SLC4A9: variants seen among roughly 807,000 people sequenced by gnomAD.
SLC4A9 encodes the protein anion exchange protein 4.
In SLC4A9, 102 loss-of-function variants were observed where a neutral mutation model predicts 103.2. The ratio of observed to expected loss-of-function variants is 0.99; its 90% CI spans 0.84 to 1.17. The LOEUF (loss-of-function observed/expected upper bound fraction) is 1.17. Ranked by LOEUF, SLC4A9 falls within the 50% of genes most tolerant of loss-of-function variation. The probability of loss-of-function intolerance (pLI) is 0.00; values close to 1 mark genes in which losing one functional copy is unlikely to be tolerated. For synonymous variants in SLC4A9, 453 were observed against 483.6 expected, an observed-to-expected ratio of 0.94 and a Z score of 0.83; for missense variants, 1,091 against 1,193.7, an observed-to-expected ratio of 0.91 and a Z score of 1.27.
At chr5:140,368,839 G>A (rs1435187805) in intron 17 of SLC4A9, among the ~76,000 whole-genome samples, 180 bp downstream of exon 17, 1 of 152,210 alleles carries the variant, frequency 6.6e-6, no homozygotes, top group Admixed American at 6.5e-5. Context: ...AAATGAGGCA[G>A]ATGAAGTTTA....
chr5:140,360,416 G>T lies in SLC4A9; in HGVS notation c.180G>T (p.Leu60=). ...VPKDPLLFIQ[L]NELLGWPQAL... ...AAGACCCTCTGCTCTTCATTCAGCTGAATGAGCTGCTGGGCTGGCCCCAGG... is the reference window on the plus strand; with the variant it reads ...AAGACCCTCTGCTCTTCATTCAGCTTAATGAGCTGCTGGGCTGGCCCCAGG... The change falls in exon 1 of 22, where the codon CTG becomes CTT. Residue 60 remains leucine, a synonymous_variant. Coordinates refer to ENST00000506757, the MANE Select transcript of SLC4A9 (RefSeq NM_031467.3). 1 of 1,597,630 alleles carries T rather than the reference G, an allele frequency of 6.3e-7. No individual in the cohort carries two copies. Among genetic ancestry groups the T allele is most frequent in the East Asian group, 2.3e-5 (1 of 44,056 alleles).
At chr5:140,373,912 G>A (rs879504875) in intron 21 of SLC4A9, among the ~76,000 whole-genome samples, 3 of 152,172 alleles carry the variant, frequency 2.0e-5, no homozygotes, top group Non-Finnish European at 4.4e-5. Flanking sequence ...TCTCTTTTGG[G>A]GCTGGGTACA....
chr5:140,372,928 C>T, intron 21 of SLC4A9, 85 bp downstream of exon 21: 1 of 734,140 alleles, frequency 1.4e-6, no homozygotes, highest in East Asian at 3.0e-5. Flanking sequence ...GTTGGCCAGC[C>T]CTGTTTTCTC....
At chr5:140,364,290 G>A in intron 10 of SLC4A9, 73 bp from the exon 11 acceptor site, 1 of 1,598,202 alleles carries the variant, frequency 6.3e-7, no homozygotes, top group Non-Finnish European at 8.5e-7. Flanking sequence ...TTGGGTTGAG[G>A]GACACCTGAC....
Position 140,365,561 on chromosome 5 carries a change from G to A in SLC4A9, c.1693G>A (p.Asp565Asn), listed in dbSNP as rs1317121424. The change falls in exon 12 of 22, where the codon GAC becomes AAC. Residue 565 changes from aspartate (D) to asparagine (N), a missense_variant. Transcript: ENST00000506757. ...QWIRTRPKDR[D>N]DIVSMDLGLI... ...GATAAGGACAAGGCCAAAAGACAGA[G>A]ACGACATTGTAAGCATGGTGAGGGA... 1 of 1,612,300 alleles carries A rather than the reference G, an allele frequency of 6.2e-7. No individual in the cohort carries two copies. The highest frequency in any genetic ancestry group is 1.3e-5 in the African/African-American group (1 of 75,022).
chr5:140,368,877 A>G (rs1463785455), intron 17 of SLC4A9, among the ~76,000 whole-genome samples: 1 of 152,250 alleles, frequency 6.6e-6, no homozygotes, highest in Non-Finnish European at 1.5e-5. Flanking sequence ...GCAAGAGCCC[A>G]TCAAAAGAGC....
intron 16 of SLC4A9, 70 bp downstream of exon 16, chr5:140,367,968 G>C: frequency 6.5e-7 from 1 of 1,534,072 alleles, no homozygotes; most frequent in Non-Finnish European, 9.0e-7. Context: ...ACATGGCAGA[G>C]TTACTTGGGC....
At chr5:140,368,713 C>A in intron 17 of SLC4A9, 54 bp downstream of exon 17, 2 of 1,473,598 alleles carry the variant, frequency 1.4e-6, no homozygotes, top group East Asian at 4.6e-5. Flanking sequence ...AATAGGAGCA[C>A]AGCAAGAACT....
chr5:140,360,910 G>T lies in SLC4A9; in HGVS notation c.329G>T (p.Ser110Ile). 1 of 1,606,578 alleles carries T rather than the reference G, an allele frequency of 6.2e-7. No homozygotes were observed. The highest frequency in any genetic ancestry group is 8.5e-7 in the Non-Finnish European group (1 of 1,177,024). The change falls in exon 2 of 22, where the codon AGC (serine) becomes ATC (isoleucine). Residue 110 changes from serine (S) to isoleucine (I), a missense_variant. Ser to Ile is a moderately radical substitution (Grantham distance 142, BLOSUM62 -2). Transcript: ENST00000506757. ...LALPSLQKLR[S>I]LLAEGLVLLD... ...CTGCCCAGCCTCCAGAAGCTCCGCA[G>T]CCTGCTGGCCGAGGGCCTTGTACTG... is the stretch of plus-strand genomic sequence containing the variant.
rs773445531 is a variant in SLC4A9, at chr5:140,362,067, T to C, written c.612T>C (p.Thr204=). The change falls in exon 5 of 22, where the codon ACT becomes ACC. Residue 204 remains threonine, a synonymous_variant. Transcript: ENST00000506757. The part of the protein sequence containing the change: ...QKLPPGAEAG[T]VLAGELGFLA... ...TACCTCCAGGAGCTGAGGCAGGGACTGTGCTGGCAGGGGAGCTGGGCTTCC... is the reference window on the plus strand; with the variant it reads ...TACCTCCAGGAGCTGAGGCAGGGACCGTGCTGGCAGGGGAGCTGGGCTTCC... 1 of 1,591,434 alleles carries C rather than the reference T, an allele frequency of 6.3e-7. No homozygotes were observed. The highest frequency in any genetic ancestry group is 1.2e-5 in the South Asian group (1 of 86,820).
Position 140,372,313 on chromosome 5 carries a change from T to G in SLC4A9, c.2742T>G (p.Asp914Glu). ...VFSPQELLWL[D>E]ELMPEEERSI... Reference sequence around the variant, plus strand: ...CACCACAGGAACTCCTCTGGCTGGATGAGCTGATGCCAGAGGAGGAGAGAA... The same window carrying G: ...CACCACAGGAACTCCTCTGGCTGGAGGAGCTGATGCCAGAGGAGGAGAGAA... Residue 914 changes from aspartate to glutamate, a missense_variant, in exon 20 of 22, where the codon GAT becomes GAG. Physicochemically the swap from Asp to Glu is conservative, Grantham distance 45. Coordinates refer to ENST00000506757, the MANE Select transcript of SLC4A9 (RefSeq NM_031467.3). 3 of 1,609,418 alleles carry G rather than the reference T, an allele frequency of 1.9e-6. No individual in the cohort carries two copies. Among genetic ancestry groups the G allele is most frequent in the South Asian group, 1.1e-5 (1 of 90,398 alleles).
At chr5:140,369,117 G>A (rs1380137668) in intron 17 of SLC4A9, among the ~76,000 whole-genome samples, 2 of 152,040 alleles carry the variant, frequency 1.3e-5, no homozygotes, top group African/African-American at 4.8e-5. Flanking sequence ...GAGCGCAGAA[G>A]TTTGAGACCT....
At position 140,365,899 on chromosome 5, in the gene SLC4A9, T is replaced by C. The variant is rs748056137; in HGVS notation, c.1776T>C (p.Pro592=). Residue 592 remains proline (P), a synonymous_variant, in exon 13 of 22, where the codon CCT becomes CCC. Transcript: ENST00000506757. ...PPECTRQGGH[P]RGPGCHTVPD... is the part of the protein sequence containing the mutation. Reference sequence around the variant, plus strand: ...AGTGCACCCGGCAGGGAGGCCACCCTCGTGGCCCTGGCTGTCATACAGTCC... The same window carrying C: ...AGTGCACCCGGCAGGGAGGCCACCCCCGTGGCCCTGGCTGTCATACAGTCC... 2.5e-6 allele frequency: 4 copies of C among 1,614,008 alleles called. No individual in the cohort carries two copies. Among genetic ancestry groups the C allele is most frequent in the Non-Finnish European group, 3.4e-6 (4 of 1,179,882 alleles).
chr5:140,364,066 A>G lies in SLC4A9; in HGVS notation c.1267A>G (p.Ser423Gly), dbSNP rs1177547257. ...TGTTGGCTTCCAGGGAGTGCTGGAAAGTTTCCTGGGCACAGCAGTGGCTGG... is the reference window on the plus strand; with the variant it reads ...TGTTGGCTTCCAGGGAGTGCTGGAAGGTTTCCTGGGCACAGCAGTGGCTGG... ...ATDGAQGVLE[S>G]FLGTAVAGAA... The change falls in exon 10 of 22, where the codon AGT (serine) becomes GGT (glycine). Residue 423 changes from serine to glycine, a missense_variant. Transcript: ENST00000506757. The G allele has an allele frequency of 1.5e-5, 23 of 1,546,666 alleles. No individual in the cohort carries two copies. The highest frequency in any genetic ancestry group is 1.9e-5 in the Non-Finnish European group (22 of 1,149,554).
At position 140,371,168 on chromosome 5, in the gene SLC4A9, GC is replaced by G; in HGVS notation, c.2496+8del. On this transcript the variant is annotated splice_donor_region_variant and intron_variant, in intron 18 of 21. Transcript: ENST00000506757. Reference sequence around the variant, plus strand: ...GCAGCGCTCAGCAGCATTCAGGTGAGCCCATTAAAATCACCTAACAAAAGAA... The same window carrying G: ...GCAGCGCTCAGCAGCATTCAGGTGAGCCATTAAAATCACCTAACAAAAGAA... The G allele has an allele frequency of 6.2e-7, 1 of 1,608,336 alleles. No individual in the cohort carries two copies. Among genetic ancestry groups the G allele is most frequent in the Non-Finnish European group, 8.5e-7 (1 of 1,177,078 alleles).
intron 12 of SLC4A9, 42 bp from the exon 13 acceptor site, chr5:140,365,792 C>A: frequency 6.3e-7 from 1 of 1,585,704 alleles, no homozygotes; most frequent in Non-Finnish European, 8.6e-7. Flanking sequence ...AGGACATTTA[C>A]TCCATTGCCT....
chr5:140,362,040 G>GCTAC lies in SLC4A9; in HGVS notation c.588_591dup (p.Pro198ThrfsTer5). Reference sequence around the variant, plus strand: ...AGTGTCAGAACCCCCTGAGACAGAAGCTACCTCCAGGAGCTGAGGCAGGGA... The same window carrying GCTAC: ...AGTGTCAGAACCCCCTGAGACAGAAGCTACCTACCTCCAGGAGCTGAGGCAGGGA... On this transcript the variant is annotated frameshift_variant, in exon 5 of 22. Transcript: ENST00000506757. LOFTEE classifies it high-confidence loss of function. The GCTAC allele has an allele frequency of 1.2e-6, 2 of 1,609,054 alleles. No individual in the cohort carries two copies. Among genetic ancestry groups the GCTAC allele is most frequent in the African/African-American group, 2.7e-5 (2 of 74,460 alleles).
At position 140,374,995 on chromosome 5, in the gene SLC4A9, G is replaced by A. The variant is rs1769286585; in HGVS notation, c.*214G>A. 6.6e-6 allele frequency: 1 copy of A among 152,064 alleles called. No homozygotes were observed. 9.4% of individuals were successfully genotyped at this position (152,064 alleles called of 1,614,324 possible). A position where few individuals can be genotyped will look rare whatever the true frequency, so the allele number is the denominator to read the frequency against. ...CCCATTCACTCTCTACTCATTAAAA[G>A]GTCCTGAGCCACGAAGCGCTTCCCA... On this transcript the variant is annotated 3_prime_UTR_variant, in exon 22 of 22. Coordinates refer to ENST00000506757, the MANE Select transcript of SLC4A9 (RefSeq NM_031467.3).
rs1320358998 is a variant in SLC4A9, at chr5:140,364,391, C to T, written c.1417C>T (p.Arg473Cys). ...TTACAGCCTGGACTACCTGCCCTTC[C>T]GCCTATGGGTGGGCATCTGGGTGGC... ...RDYSLDYLPF[R>C]LWVGIWVATF... Residue 473 changes from arginine to cysteine, a missense_variant, in exon 11 of 22, where the codon CGC becomes TGC. Coordinates refer to ENST00000506757, the MANE Select transcript of SLC4A9 (RefSeq NM_031467.3). The T allele has an allele frequency of 3.4e-5, 55 of 1,613,176 alleles. No individual in the cohort carries two copies. The highest frequency in any genetic ancestry group is 3.6e-4 in the Middle Eastern group (2 of 5,510).
Sources: gnomAD v4.1 joint callset for allele counts (sites outside exome capture counted in the v4.1 genomes callset) on GRCh38, gnomAD v4.1.1 for gene constraint, MANE v1.5 for transcripts, NCBI Gene and HGNC (gene_info 2026-07-23, HGNC 2026-07-21) for gene names.